The following ABCC4 variants were observed in gnomAD, a reference collection of about 807,000 sequenced individuals.
ABCC4 encodes ATP-binding cassette sub-family C member 4.
In ABCC4, 102 loss-of-function variants were observed where a neutral mutation model predicts 168.5. That is an observed-to-expected ratio of 0.61 (90% CI 0.52 to 0.71). ABCC4 has a LOEUF of 0.71. ABCC4 is among the 30% of genes least tolerant of loss of function. The pLI, the probability that ABCC4 is intolerant of heterozygous loss-of-function variation, is 0.00. For missense variants in ABCC4, 1,402 were observed against 1,605.8 expected (o/e 0.87, Z 2.17); for synonymous variants, 617 against 590.7 (o/e 1.04, Z -0.65).
chr13:95,154,897 A>G (rs1440563321), intron 19 of ABCC4, among the ~76,000 whole-genome samples: 1 of 152,222 alleles, frequency 6.6e-6, no homozygotes, highest in Non-Finnish European at 1.5e-5. Context: ...TGAACTGAAT[A>G]AACAGATAAA....
At chr13:95,138,857 C>A (rs2036222798) in intron 19 of ABCC4, among the ~76,000 whole-genome samples, 1 of 152,234 alleles carries the variant, frequency 6.6e-6, no homozygotes, top group Admixed American at 6.5e-5. Context: ...TGGGCAGGCC[C>A]TCACACCACC....
At chr13:95,144,343 G>T (rs937196435) in intron 19 of ABCC4, among the ~76,000 whole-genome samples, 1 of 151,846 alleles carries the variant, frequency 6.6e-6, no homozygotes, top group Non-Finnish European at 1.5e-5. Context: ...TTGATAACCA[G>T]TAAGACAAGG....
At chr13:95,098,262 A>T (rs1425351547) in intron 20 of ABCC4, among the ~76,000 whole-genome samples, 11 of 152,134 alleles carry the variant, frequency 7.2e-5, no homozygotes, top group African/African-American at 2.7e-4. Flanking sequence ...TGCATATATT[A>T]TGAAACAAAT....
intron 1 of ABCC4, among the ~76,000 whole-genome samples, chr13:95,268,582 T>C (rs1032257168): frequency 6.6e-6 from 1 of 152,188 alleles, no homozygotes; most frequent in African/African-American, 2.4e-5. Context: ...TTCCATCTAC[T>C]GAGATAGGAG....
intron 19 of ABCC4, among the ~76,000 whole-genome samples, chr13:95,159,093 T>TATATATATATA (rs2036982333): frequency 1.6e-5 from 1 of 61,014 alleles, no homozygotes; most frequent in African/African-American, 4.5e-5. Flanking sequence ...TAAATAAATT[T>TATATATATATA]TATATATATA....
chr13:95,276,522 A>T (rs541324899), intron 1 of ABCC4, among the ~76,000 whole-genome samples: 2 of 151,558 alleles, frequency 1.3e-5, no homozygotes, highest in Non-Finnish European at 2.9e-5. Flanking sequence ...AAAAAAAAGA[A>T]AAAAAGAAAA....
intron 20 of ABCC4, among the ~76,000 whole-genome samples, chr13:95,114,574 GA>G (rs4148525): frequency 0.015 from 2,114 of 144,958 alleles, 57 homozygotes; most frequent in African/African-American, 0.05. Context: ...GTTTGCAAAA[GA>G]AAAAAAAAAA....
intron 1 of ABCC4, among the ~76,000 whole-genome samples, chr13:95,284,654 G>A (rs1400606388): frequency 6.6e-6 from 1 of 152,170 alleles, no homozygotes; most frequent in African/African-American, 2.4e-5. Context: ...ACTCAAAAAT[G>A]TATATGGTTT....
intron 20 of ABCC4, among the ~76,000 whole-genome samples, chr13:95,104,469 T>A (rs2034927892): frequency 6.6e-6 from 1 of 152,190 alleles, no homozygotes; most frequent in Admixed American, 6.5e-5. Context: ...ACATAATACA[T>A]CATCTATGAA....
chr13:95,126,208 G>A (rs935957967), intron 19 of ABCC4, among the ~76,000 whole-genome samples: 7 of 151,884 alleles, frequency 4.6e-5, no homozygotes, highest in Non-Finnish European at 8.8e-5. Flanking sequence ...TGTCGTTTGC[G>A]GCTAAATGCT....
intron 4 of ABCC4, 79 bp downstream of exon 4, chr13:95,234,531 A>T: frequency 8.2e-7 from 1 of 1,221,770 alleles, no homozygotes; most frequent in Non-Finnish European, 1.2e-6. Flanking sequence ...TTTATGCAGT[A>T]TTTAATTTAC....
intron 19 of ABCC4, among the ~76,000 whole-genome samples, chr13:95,156,697 GCTT>G (rs1566472521): frequency 6.6e-6 from 1 of 152,096 alleles, no homozygotes; most frequent in African/African-American, 2.4e-5. Flanking sequence ...AAAATGTAAG[GCTT>G]CTTAACAGAC....
rs575624733 is a variant in ABCC4, at chr13:95,267,530, G to A, written c.75-19777C>T. Among the ~76,000 whole-genome samples the A allele has an allele frequency of 9.9e-5, 15 of 152,248 alleles. No homozygotes were observed. In the South Asian group the frequency reaches 2.7e-3, roughly 27 times the overall value. ...CACCAGCTCCCCTGACTTGTCTTCTGCAAAGCTCTACAGGCATGGTGACAA... is the reference window on the plus strand; with the variant it reads ...CACCAGCTCCCCTGACTTGTCTTCTACAAAGCTCTACAGGCATGGTGACAA... On this transcript the variant is annotated intron_variant, in intron 1 of 30. Coordinates refer to ENST00000645237, the MANE Select transcript of ABCC4 (RefSeq NM_005845.5).
chr13:95,058,281 C>CTGGGAACCTTTTG (rs2033137897), intron 26 of ABCC4, among the ~76,000 whole-genome samples: 1 of 152,088 alleles, frequency 6.6e-6, no homozygotes, highest in Admixed American at 6.5e-5. Flanking sequence ...GTTATGGCTT[C>CTGGGAACCTTTTG]TGGGAACCTT....
At chr13:95,063,651 T>C (rs940601846) in intron 25 of ABCC4, among the ~76,000 whole-genome samples, 2 of 152,210 alleles carry the variant, frequency 1.3e-5, no homozygotes, top group Admixed American at 1.3e-4. Flanking sequence ...CAATTGCCCC[T>C]TGAGAAACAT....
intron 1 of ABCC4, among the ~76,000 whole-genome samples, chr13:95,281,182 A>G (rs1043241712): frequency 6.6e-6 from 1 of 151,468 alleles, no homozygotes; most frequent in South Asian, 2.1e-4. Context: ...TGGTGGTGCA[A>G]GCCTGTAATC....
intron 19 of ABCC4, among the ~76,000 whole-genome samples, chr13:95,155,638 C>CA (rs1393397231): frequency 6.6e-6 from 1 of 152,126 alleles, no homozygotes; most frequent in East Asian, 1.9e-4. Flanking sequence ...TATACATACA[C>CA]ACACATACTC....
chr13:95,077,353 T>C (rs781342776), intron 21 of ABCC4, among the ~76,000 whole-genome samples: 58 of 152,150 alleles, frequency 3.8e-4, no homozygotes, highest in Non-Finnish European at 7.8e-4. Flanking sequence ...ATTTATTTTT[T>C]TCTGAGACAG....
At chr13:95,136,010 C>T (rs1025953466) in intron 19 of ABCC4, among the ~76,000 whole-genome samples, 2 of 152,092 alleles carry the variant, frequency 1.3e-5, no homozygotes, top group African/African-American at 2.4e-5. Flanking sequence ...TTTTAAACTA[C>T]ATCTAGCAAA....
Sources: gnomAD v4.1 joint callset for allele counts (sites outside exome capture counted in the v4.1 genomes callset) on GRCh38, gnomAD v4.1.1 for gene constraint, MANE v1.5 for transcripts, NCBI Gene and HGNC (gene_info 2026-07-23, HGNC 2026-07-21) for gene names.